CNTNAP2: variants seen among roughly 807,000 people sequenced by gnomAD.
CNTNAP2 encodes the protein contactin-associated protein-like 2.
A neutral mutation model predicts 155.2 loss-of-function variants in CNTNAP2; 98 were observed. That is an observed-to-expected ratio of 0.63 (90% CI 0.54 to 0.75). The LOEUF is 0.75. Ranked by LOEUF, CNTNAP2 falls within the 30% of genes least tolerant of loss-of-function variation. The pLI, the probability that CNTNAP2 is intolerant of heterozygous loss-of-function variation, is 0.00. For missense variants in CNTNAP2, 1,727 were observed against 1,688.1 expected (o/e 1.02, Z -0.40); for synonymous variants, 651 against 631.2 (o/e 1.03, Z -0.47).
chr7:146,505,525 A>G (rs1797370472), intron 1 of CNTNAP2, among the ~76,000 whole-genome samples: 1 of 152,190 alleles, frequency 6.6e-6, no homozygotes, highest in African/African-American at 2.4e-5. Flanking sequence ...CCACACAGGA[A>G]ATACAGATGT....
intron 1 of CNTNAP2, among the ~76,000 whole-genome samples, chr7:146,134,116 A>T (rs1455960093): frequency 2.0e-5 from 3 of 150,700 alleles, no homozygotes; most frequent in Non-Finnish European, 4.4e-5. Flanking sequence ...GTTCTCCTTG[A>T]AGAGGTCCTT....
chr7:147,990,491 G>T lies in CNTNAP2; in HGVS notation c.2383+12502G>T, dbSNP rs181530503. Among the ~76,000 whole-genome samples the T allele has an allele frequency of 1.1e-4, 17 of 152,178 alleles. No homozygotes were observed. In the East Asian group the frequency reaches 2.1e-3, roughly 19 times the overall value. ...AGGGTTGAAATGTCTCTGGTTGGAG[G>T]GGGGTTATCTTGGGGCTGACATCTC... On this transcript the variant is annotated intron_variant, in intron 15 of 23. Transcript: ENST00000361727.
intron 1 of CNTNAP2, among the ~76,000 whole-genome samples, chr7:146,343,080 G>T (rs1023124489): frequency 1.4e-5 from 2 of 145,230 alleles, no homozygotes; most frequent in Admixed American, 6.9e-5. Context: ...AAAGAAGGTT[G>T]TTTTTTTTTT....
At chr7:146,854,749 G>A (rs1412414391) in intron 3 of CNTNAP2, among the ~76,000 whole-genome samples, 2 of 152,128 alleles carry the variant, frequency 1.3e-5, no homozygotes, top group Non-Finnish European at 2.9e-5. Flanking sequence ...CATTGCCTCT[G>A]GTTTGAAAAG....
chr7:146,388,136 C>T (rs1247026150), intron 1 of CNTNAP2, among the ~76,000 whole-genome samples: 4 of 148,052 alleles, frequency 2.7e-5, no homozygotes, highest in Admixed American at 1.4e-4. Context: ...TTTTTCTTCT[C>T]GGGAATGCTT....
chr7:146,439,682 T>C (rs1796293119), intron 1 of CNTNAP2, among the ~76,000 whole-genome samples: 2 of 151,548 alleles, frequency 1.3e-5, no homozygotes, highest in South Asian at 2.1e-4. Context: ...TTTTCATATA[T>C]ATATGGGAGC....
intron 1 of CNTNAP2, among the ~76,000 whole-genome samples, chr7:146,512,520 T>C (rs1344702891): frequency 3.3e-5 from 5 of 151,764 alleles, no homozygotes; most frequent in East Asian, 3.9e-4. Flanking sequence ...TTTTTTCAAA[T>C]TGTCCTAACT....
intron 2 of CNTNAP2, among the ~76,000 whole-genome samples, chr7:146,826,120 G>A (rs879508140): frequency 2.0e-5 from 3 of 152,058 alleles, no homozygotes; most frequent in Non-Finnish European, 4.4e-5. Flanking sequence ...AGATGGCATG[G>A]AGATGTTATT....
chr7:148,295,198 A>G (rs1797258736), intron 21 of CNTNAP2, among the ~76,000 whole-genome samples: 2 of 152,222 alleles, frequency 1.3e-5, no homozygotes, highest in South Asian at 2.1e-4. Context: ...ACTTATAAAA[A>G]CAATGTAGGA....
At chr7:147,077,528 A>G (rs548257888) in intron 4 of CNTNAP2, among the ~76,000 whole-genome samples, 1 of 152,214 alleles carries the variant, frequency 6.6e-6, no homozygotes, top group East Asian at 1.9e-4. Flanking sequence ...ATAGTAAAAT[A>G]TTTTCTGACT....
At chr7:146,671,329 C>T (rs1360075021) in intron 1 of CNTNAP2, among the ~76,000 whole-genome samples, 2 of 152,002 alleles carry the variant, frequency 1.3e-5, no homozygotes, top group Non-Finnish European at 2.9e-5. Context: ...TACTTTTAGT[C>T]TCTGTCTTTG....
At chr7:146,217,097 T>C (rs2116890992) in intron 1 of CNTNAP2, among the ~76,000 whole-genome samples, 1 of 152,344 alleles carries the variant, frequency 6.6e-6, no homozygotes. Flanking sequence ...GATCTTTTAT[T>C]TGAAAGTATG....
At chr7:148,068,723 C>A (rs1202707234) in intron 15 of CNTNAP2, among the ~76,000 whole-genome samples, 1 of 152,052 alleles carries the variant, frequency 6.6e-6, no homozygotes, top group Non-Finnish European at 1.5e-5. Context: ...TACCTAATAC[C>A]CTGAGTTACA....
chr7:147,622,325 C>G (rs1489181886), intron 12 of CNTNAP2, among the ~76,000 whole-genome samples: 1 of 151,986 alleles, frequency 6.6e-6, no homozygotes, highest in Admixed American at 6.6e-5. Flanking sequence ...CCAATGGCTA[C>G]AGATCACACA....
At chr7:147,760,277 G>A (rs978629732) in intron 13 of CNTNAP2, among the ~76,000 whole-genome samples, 1 of 151,510 alleles carries the variant, frequency 6.6e-6, no homozygotes, top group African/African-American at 2.4e-5. Context: ...AACTTCCAAA[G>A]AGTTTTCCCC....
chr7:148,381,059 G>A (rs751146351), intron 21 of CNTNAP2, among the ~76,000 whole-genome samples: 1 of 152,238 alleles, frequency 6.6e-6, no homozygotes, highest in Non-Finnish European at 1.5e-5. Flanking sequence ...TAAGCACGCG[G>A]GTGAGTGGGT....
At chr7:146,498,128 G>T (rs779531886) in intron 1 of CNTNAP2, among the ~76,000 whole-genome samples, 2 of 152,102 alleles carry the variant, frequency 1.3e-5, no homozygotes, top group Non-Finnish European at 2.9e-5. Context: ...ATCTGGAGAT[G>T]ATCTTGGAGA....
At chr7:148,295,911 T>C (rs1473867258) in intron 21 of CNTNAP2, among the ~76,000 whole-genome samples, 1 of 151,870 alleles carries the variant, frequency 6.6e-6, no homozygotes, top group Non-Finnish European at 1.5e-5. Flanking sequence ...AAAGCAAGGG[T>C]CTTCCCTCTG....
At chr7:146,260,455 A>G (rs1799903641) in intron 1 of CNTNAP2, among the ~76,000 whole-genome samples, 1 of 152,220 alleles carries the variant, frequency 6.6e-6, no homozygotes, top group Non-Finnish European at 1.5e-5. Flanking sequence ...CCATGAAAGT[A>G]GCCATGGGGG....
Sources: gnomAD v4.1 joint callset for allele counts (sites outside exome capture counted in the v4.1 genomes callset) on GRCh38, gnomAD v4.1.1 for gene constraint, MANE v1.5 for transcripts, NCBI Gene and HGNC (gene_info 2026-07-23, HGNC 2026-07-21) for gene names.